Variants in PLXNA4 observed in about 807,000 individuals in gnomAD.
PLXNA4 encodes the protein plexin A4.
PLXNA4 carries 44 observed loss-of-function variants against 191.8 expected under a neutral mutation model. The ratio of observed to expected loss-of-function variants is 0.23; its 90% CI spans 0.18 to 0.29. The LOEUF is 0.29. PLXNA4 is among the 10% of genes least tolerant of loss of function. The pLI, the probability that PLXNA4 is intolerant of heterozygous loss-of-function variation, is 1.00. For missense variants in PLXNA4, 1,800 were observed against 2,488.8 expected (o/e 0.72, Z 5.89); for synonymous variants, 1,082 against 1,009.5 (o/e 1.07, Z -1.36).
chr7:132,477,891 T>C (rs191323331), intron 3 of PLXNA4, among the ~76,000 whole-genome samples: 160 of 152,326 alleles, frequency 1.1e-3, no homozygotes, highest in African/African-American at 3.7e-3. Flanking sequence ...AAAAACCAAA[T>C]TTATAAAATG....
intron 13 of PLXNA4, among the ~76,000 whole-genome samples, chr7:132,198,219 G>A (rs904655298): frequency 7.2e-5 from 11 of 152,094 alleles, no homozygotes; most frequent in Admixed American, 7.2e-4. Flanking sequence ...CCCTCCATGC[G>A]GCCTTATGCC....
chr7:132,191,889 T>A (rs1797103120), intron 14 of PLXNA4, among the ~76,000 whole-genome samples: 1 of 151,566 alleles, frequency 6.6e-6, no homozygotes, highest in Admixed American at 6.6e-5. Flanking sequence ...ATATATACAT[T>A]TCTCATTAGT....
intron 3 of PLXNA4, among the ~76,000 whole-genome samples, chr7:132,349,430 A>G (rs970824568): frequency 8.5e-5 from 13 of 152,152 alleles, no homozygotes; most frequent in Admixed American, 7.2e-4. Context: ...GGGAGCCAAC[A>G]CAGGGAGGGC....
At chr7:132,460,108 C>A (rs1796451434) in intron 3 of PLXNA4, among the ~76,000 whole-genome samples, 1 of 152,118 alleles carries the variant, frequency 6.6e-6, no homozygotes. Context: ...AATCCCAGCA[C>A]TTTGGGAGGC....
rs574704806 is a variant in PLXNA4 at position 132,619,083 on chromosome 7, C to G, written c.-87+26845G>C. ...TGGCTCAGAAGGAAATGACTCAGAA[C>G]AGTGGGAAAATGTCAGCGAAGTGTA... On this transcript the variant is annotated intron_variant, in intron 2 of 4. Transcript: ENST00000378539. Among the ~76,000 whole-genome samples the G allele has an allele frequency of 5.9e-5, 9 of 152,274 alleles. 1 individual carries two copies. The highest frequency in any genetic ancestry group is 1.9e-4 in the African/African-American group (8 of 41,576).
At chr7:132,393,183 C>A (rs1465730580) in intron 3 of PLXNA4, among the ~76,000 whole-genome samples, 3 of 147,870 alleles carry the variant, frequency 2.0e-5, no homozygotes, top group Non-Finnish European at 4.4e-5. Flanking sequence ...CAACATTGAC[C>A]CCCAACACCC....
intron 1 of PLXNA4, among the ~76,000 whole-genome samples, chr7:132,527,338 C>T (rs1799437824): frequency 1.3e-5 from 2 of 151,946 alleles, no homozygotes; most frequent in African/African-American, 4.8e-5. Flanking sequence ...TCTTGCCATC[C>T]ACCTCTCAGG....
At chr7:132,196,539 A>C (rs1797260127) in intron 13 of PLXNA4, among the ~76,000 whole-genome samples, 1 of 152,212 alleles carries the variant, frequency 6.6e-6, no homozygotes, top group African/African-American at 2.4e-5. Flanking sequence ...CTATTTTTAC[A>C]CATGTAAATC....
chr7:132,603,723 G>C lies in PLXNA4; in HGVS notation c.-87+42205C>G, dbSNP rs577001403. On this transcript the variant is annotated intron_variant, in intron 2 of 4. Transcript: ENST00000378539. ...CTTAGGACTTGGGAGTCAGATATTGGACTTCAACCAAGTATATTAGACTCC... is the reference window on the plus strand; with the variant it reads ...CTTAGGACTTGGGAGTCAGATATTGCACTTCAACCAAGTATATTAGACTCC... 1.5e-3 allele frequency among the ~76,000 whole-genome samples: 226 copies of C among 152,258 alleles called. 2 individuals carry two copies. Among genetic ancestry groups the C allele is most frequent in the African/African-American group, 5.4e-3 (224 of 41,534 alleles).
chr7:132,615,321 C>A (rs1213418540), intron 2 of PLXNA4, among the ~76,000 whole-genome samples: 7 of 152,108 alleles, frequency 4.6e-5, no homozygotes, highest in Non-Finnish European at 1.0e-4. Context: ...CTAAGGGAAA[C>A]TGACGCCTGT....
In PLXNA4 at chr7:132,181,538, G is replaced by A. The variant is rs199953148; in HGVS notation, c.3335C>T (p.Thr1112Ile). Residue 1112 changes from threonine (T) to isoleucine (I), a missense_variant, in exon 18 of 32, where the codon ACC (threonine) becomes ATC (isoleucine). By Grantham distance (89) the Thr-to-Ile change is moderately conservative (BLOSUM62 -1). Around this residue, in one of 6 missense-constraint regions of PLXNA4, gnomAD observed 1,397 missense variants for 1,880.4 expected, o/e 0.74. Coordinates refer to ENST00000321063, the MANE Select transcript of PLXNA4 (RefSeq NM_020911.2). Reference sequence around the variant, plus strand: ...GAAGCCAAACTCCTCGGGCCTCTCGGTCAGGTCTGACTGGTGGTCAGGACC... The same window carrying A: ...GAAGCCAAACTCCTCGGGCCTCTCGATCAGGTCTGACTGGTGGTCAGGACC... ...ALGPDHQSDL[T>I]ERPEEFGFIL... 7.5e-4 allele frequency: 1,205 copies of A among 1,614,196 alleles called. 18 individuals are homozygous for A. The Admixed American group carries it at 0.02, about 26-fold the overall frequency.
intron 3 of PLXNA4, chr7:132,484,940 T>A (rs751213279): frequency 6.2e-7 from 1 of 1,614,164 alleles, no homozygotes; most frequent in Non-Finnish European, 8.5e-7. Context: ...AGAAGCAATG[T>A]TCGCCCCAGG....
rs1401362067 is a variant in PLXNA4, at chr7:132,132,490, CTA to C, written c.5589+557_5589+558del. ...CTGCTCTGCTCTGCTCTGCTCTGCT[CTA>C]TTCTTTTCTATTCTATTCTATTCTA... On this transcript the variant is annotated intron_variant, in intron 31 of 31. Transcript: ENST00000321063. Among the ~76,000 whole-genome samples, 117 of 89,160 alleles carry C rather than the reference CTA, an allele frequency of 1.3e-3. 2 individuals carry two copies. The highest frequency in any genetic ancestry group is 2.4e-3 in the Admixed American group (21 of 8,816). 58.5% of individuals were successfully genotyped at this position (89,160 alleles called of 152,430 possible).
At chr7:132,638,680 C>T (rs1451899970) in intron 2 of PLXNA4, among the ~76,000 whole-genome samples, 2 of 151,868 alleles carry the variant, frequency 1.3e-5, no homozygotes, top group African/African-American at 2.4e-5. Context: ...AAAAAAATGC[C>T]GACCATTTGT....
Position 132,250,127 on chromosome 7 carries a change from C to T in PLXNA4, c.1504-8961G>A, listed in dbSNP as rs1263859216. ...ACTTGGACAACTTATTTAACTTCAT[C>T]AAGCCTCTTTTTCCTCATCTAAGTA... On this transcript the variant is annotated intron_variant, in intron 4 of 31. Coordinates refer to ENST00000321063, the MANE Select transcript of PLXNA4 (RefSeq NM_020911.2). Among the ~76,000 whole-genome samples the T allele has an allele frequency of 9.9e-5, 15 of 152,230 alleles. 1 individual carries two copies. The highest frequency in any genetic ancestry group is 9.8e-4 in the Admixed American group (15 of 15,284).
At chr7:132,247,457 T>C (rs1799098818) in intron 4 of PLXNA4, among the ~76,000 whole-genome samples, 1 of 152,222 alleles carries the variant, frequency 6.6e-6, no homozygotes, top group African/African-American at 2.4e-5. Flanking sequence ...AAGAGGCTGC[T>C]GGAGGAACTG....
chr7:132,602,399 G>A (rs1013231211), intron 2 of PLXNA4, among the ~76,000 whole-genome samples: 25 of 152,252 alleles, frequency 1.6e-4, no homozygotes, highest in African/African-American at 6.0e-4. Context: ...TAACCTATAC[G>A]ACCAAGAGAC....
chr7:132,235,656 T>C (rs1798673824), intron 5 of PLXNA4, among the ~76,000 whole-genome samples: 1 of 152,166 alleles, frequency 6.6e-6, no homozygotes, highest in Non-Finnish European at 1.5e-5. Context: ...ATGACTTTTC[T>C]TAAGAAAGGT....
intron 4 of PLXNA4, among the ~76,000 whole-genome samples, chr7:132,244,996 C>A (rs1470735130): frequency 6.6e-6 from 1 of 152,162 alleles, no homozygotes; most frequent in African/African-American, 2.4e-5. Context: ...CCACTCACAG[C>A]CTTACACCAT....
Sources: allele counts gnomAD v4.1 joint callset (sites outside exome capture counted in the v4.1 genomes callset), GRCh38; gene constraint gnomAD v4.1.1; regional missense constraint gnomAD v4.1.1; transcripts MANE v1.5; gene names NCBI Gene and HGNC (gene_info 2026-07-23, HGNC 2026-07-21).